XRCC5: variants seen among roughly 807,000 people sequenced by gnomAD.
XRCC5 encodes X-ray repair cross complementing 5, also known as DNA repair protein Ku80.
A neutral mutation model predicts 95.7 loss-of-function variants in XRCC5; 12 were observed. That is an observed-to-expected ratio of 0.13 (90% confidence interval 0.08 to 0.20). XRCC5 has a LOEUF of 0.20. XRCC5 is among the 10% of genes least tolerant of loss of function. The probability of loss-of-function intolerance (pLI) is 1.00; values close to 1 mark genes in which losing one functional copy is unlikely to be tolerated. For missense variants in XRCC5, 595 were observed against 873.9 expected (o/e 0.68, Z 4.02); for synonymous variants, 281 against 290.3 (o/e 0.97, Z 0.33).
At chr2:216,138,906 G>T (rs924849929) in intron 12 of XRCC5, among the ~76,000 whole-genome samples, 2 of 152,190 alleles carry the variant, frequency 1.3e-5, no homozygotes, top group African/African-American at 4.8e-5. Flanking sequence ...ATTGTGAGGT[G>T]AGTCTCGGAA....
In XRCC5 at chr2:216,205,138, G is replaced by A. The variant is rs749695503; in HGVS notation, c.2185-50G>A. 2.5e-6 allele frequency: 4 copies of A among 1,609,900 alleles called. No homozygotes were observed. The South Asian group carries it at 4.4e-5, about 18-fold the overall frequency. Reference sequence around the variant, plus strand: ...AACCCTCTCTCACCAGAGAAGCAGTGGTATGAAATTGGCCTGATTCCTTTC... The same window carrying A: ...AACCCTCTCTCACCAGAGAAGCAGTAGTATGAAATTGGCCTGATTCCTTTC... On this transcript the variant is annotated intron_variant, in intron 20 of 20. Coordinates refer to ENST00000392132, the MANE Select transcript of XRCC5 (RefSeq NM_021141.4).
At chr2:216,111,531 G>GAA in intron 1 of XRCC5, 2 of 269,692 alleles carry the variant, frequency 7.4e-6, no homozygotes, top group African/African-American at 2.4e-5. Flanking sequence ...CAAAAAAAAG[G>GAA]AAAAAAAAAT....
chr2:216,120,980 C>T (rs1474402674), intron 5 of XRCC5, among the ~76,000 whole-genome samples: 1 of 152,216 alleles, frequency 6.6e-6, no homozygotes, highest in African/African-American at 2.4e-5. Flanking sequence ...AAGTGATCCA[C>T]CTGCCTCGCC....
chr2:216,132,319 T>G lies in XRCC5; in HGVS notation c.1051-6T>G. 1 of 1,613,798 alleles carries G rather than the reference T, an allele frequency of 6.2e-7. No individual in the cohort carries two copies. The highest frequency in any genetic ancestry group is 2.2e-5 in the East Asian group (1 of 44,868). On this transcript the variant is annotated splice_region_variant and splice_polypyrimidine_tract_variant and intron_variant, in intron 9 of 20. Coordinates refer to ENST00000392132, the MANE Select transcript of XRCC5 (RefSeq NM_021141.4). ...GATCAAAAGCAATTCTTTTCCTCTC[T>G]TGTAGGTTCAGAGAAGATTCTTCAT...
chr2:216,155,631 G>A (rs1688827163), intron 14 of XRCC5, among the ~76,000 whole-genome samples: 1 of 152,120 alleles, frequency 6.6e-6, no homozygotes, highest in Non-Finnish European at 1.5e-5. Context: ...TCCATATCAT[G>A]GATTATGCTG....
chr2:216,116,867 CTT>C (rs775745232), intron 3 of XRCC5, 25 bp downstream of exon 3: 2 of 1,608,024 alleles, frequency 1.2e-6, no homozygotes, highest in South Asian at 1.1e-5. Context: ...CCAGAGAAGA[CTT>C]TAAGAAATTT....
chr2:216,182,867 A>G (rs1689415153), intron 16 of XRCC5, among the ~76,000 whole-genome samples: 1 of 152,298 alleles, frequency 6.6e-6, no homozygotes, highest in South Asian at 2.1e-4. Context: ...TGGTTTTTTA[A>G]TGGTTAAACT....
At chr2:216,156,280 G>A in intron 14 of XRCC5, 1 of 545,162 alleles carries the variant, frequency 1.8e-6, no homozygotes, top group Non-Finnish European at 3.6e-6. Context: ...GCATGACCAA[G>A]CAAAGCAGGT....
intron 14 of XRCC5, chr2:216,156,497 C>T: frequency 1.6e-6 from 1 of 638,464 alleles, no homozygotes; most frequent in Non-Finnish European, 3.1e-6. Context: ...CTGACGCATT[C>T]AATCACAGCA....
intron 16 of XRCC5, among the ~76,000 whole-genome samples, chr2:216,168,950 CT>C (rs1402676492): frequency 6.6e-6 from 1 of 152,228 alleles, no homozygotes; most frequent in African/African-American, 2.4e-5. Context: ...CATACTGTTT[CT>C]TTTGATTCCT....
At chr2:216,134,837 T>G (rs1206028563) in intron 10 of XRCC5, among the ~76,000 whole-genome samples, 1 of 152,220 alleles carries the variant, frequency 6.6e-6, no homozygotes, top group African/African-American at 2.4e-5. Flanking sequence ...TCATTGTGCT[T>G]ATCTAGCCCT....
At chr2:216,166,960 C>T (rs889976619) in intron 16 of XRCC5, among the ~76,000 whole-genome samples, 13 of 152,094 alleles carry the variant, frequency 8.5e-5, no homozygotes, top group Admixed American at 2.6e-4. Flanking sequence ...TGAGACGATT[C>T]TCTTTCAGGG....
At position 216,205,954 on chromosome 2, in the gene XRCC5, A is replaced by T. The variant is rs1689935625; in HGVS notation, c.*752A>T. 1 of 152,226 alleles carries T rather than the reference A, an allele frequency of 6.6e-6. No homozygotes were observed. The highest frequency in any genetic ancestry group is 2.4e-5 in the African/African-American group (1 of 41,458). The allele number at this position is 152,226 out of a possible 1,614,324, so 9.4% of individuals were successfully genotyped here. A position where few individuals can be genotyped will look rare whatever the true frequency, so the allele number is the denominator to read the frequency against. ...CAAAAACTGAGAAATTTACTACAGT[A>T]GTTAGAATTATATCACTTCACTGTT... On this transcript the variant is annotated 3_prime_UTR_variant, in exon 21 of 21. Coordinates refer to ENST00000392132, the MANE Select transcript of XRCC5 (RefSeq NM_021141.4).
chr2:216,175,307 C>T (rs559580705), intron 16 of XRCC5: 1 of 454,992 alleles, frequency 2.2e-6, no homozygotes, highest in Non-Finnish European at 4.3e-6. Context: ...AGAGCCTCCT[C>T]TTCCACCAAA....
chr2:216,147,694 C>A (rs1270396267), intron 13 of XRCC5, among the ~76,000 whole-genome samples: 2 of 152,104 alleles, frequency 1.3e-5, no homozygotes, highest in Non-Finnish European at 2.9e-5. Context: ...GGAGAAAGCA[C>A]AGCATGATTA....
At chr2:216,138,563 GCTGAAGATTAA>G (rs747978995) in intron 12 of XRCC5, among the ~76,000 whole-genome samples, 25 of 152,196 alleles carry the variant, frequency 1.6e-4, no homozygotes, top group Non-Finnish European at 3.2e-4. Context: ...AAGTGACAGT[GCTGAAGATTAA>G]CTTTTCTCTT....
At chr2:216,158,309 A>G (rs1271631126) in intron 14 of XRCC5, among the ~76,000 whole-genome samples, 1 of 152,216 alleles carries the variant, frequency 6.6e-6, no homozygotes, top group Non-Finnish European at 1.5e-5. Context: ...GTAGCTTACT[A>G]GACTCTAAAC....
chr2:216,189,264 A>G (rs1016727319), intron 16 of XRCC5, among the ~76,000 whole-genome samples: 1 of 152,254 alleles, frequency 6.6e-6, no homozygotes, highest in Non-Finnish European at 1.5e-5. Context: ...AGGCAGTCAT[A>G]GAATATCTTG....
intron 1 of XRCC5, among the ~76,000 whole-genome samples, chr2:216,110,175 C>G (rs555518612): frequency 6.6e-6 from 1 of 152,238 alleles, no homozygotes; most frequent in East Asian, 1.9e-4. Context: ...CTGGAGAACC[C>G]CTGTGTTGCT....
Sources: gnomAD v4.1 joint callset for allele counts (sites outside exome capture counted in the v4.1 genomes callset) on GRCh38, gnomAD v4.1.1 for gene constraint, MANE v1.5 for transcripts, NCBI Gene and HGNC (gene_info 2026-07-23, HGNC 2026-07-21) for gene names.